Variants in FBXL7 observed in about 807,000 individuals in gnomAD.
FBXL7 encodes the protein F-box and leucine rich repeat protein 7, also known as F-box/LRR-repeat protein 7.
Under a neutral mutation model 38.3 loss-of-function variants are expected in FBXL7, and 12 were observed. The observed-to-expected ratio is 0.31, with a 90% CI of 0.20 to 0.51. The LOEUF (loss-of-function observed/expected upper bound fraction) is 0.51. Ranked by LOEUF, FBXL7 falls within the 20% of genes least tolerant of loss-of-function variation. The pLI is 0.98. For missense variants in FBXL7, 567 were observed against 676.4 expected (o/e 0.84, Z 1.79); for synonymous variants, 297 against 300.9 (o/e 0.99, Z 0.13).
At chr5:15,866,796 A>G (rs995942147) in intron 2 of FBXL7, among the ~76,000 whole-genome samples, 3 of 151,966 alleles carry the variant, frequency 2.0e-5, no homozygotes, top group African/African-American at 4.8e-5. Context: ...TTTACTGAGG[A>G]TGATGGCTTC....
intron 2 of FBXL7, among the ~76,000 whole-genome samples, chr5:15,852,072 G>A (rs1002370248): frequency 1.3e-5 from 2 of 152,104 alleles, no homozygotes; most frequent in Admixed American, 6.6e-5. Context: ...GTCTCTGAGT[G>A]TGTAGGGAGC....
At chr5:15,914,995 A>C (rs1042244836) in intron 2 of FBXL7, among the ~76,000 whole-genome samples, 1 of 152,234 alleles carries the variant, frequency 6.6e-6, no homozygotes, top group African/African-American at 2.4e-5. Flanking sequence ...GGATCTGGGA[A>C]GGCTTGGCAG....
chr5:15,733,084 G>A (rs1735633944), intron 2 of FBXL7, among the ~76,000 whole-genome samples: 1 of 150,224 alleles, frequency 6.7e-6, no homozygotes, highest in Non-Finnish European at 1.5e-5. Context: ...TAAAAATCAT[G>A]TTTTTTGTTT....
intron 1 of FBXL7, among the ~76,000 whole-genome samples, chr5:15,565,169 T>C (rs1282010744): frequency 1.3e-5 from 2 of 152,126 alleles, no homozygotes; most frequent in East Asian, 3.9e-4. Context: ...AATTTTTCCA[T>C]GCCATAAAAA....
chr5:15,889,280 C>A (rs928915533), intron 2 of FBXL7, among the ~76,000 whole-genome samples: 1 of 152,156 alleles, frequency 6.6e-6, no homozygotes, highest in Non-Finnish European at 1.5e-5. Flanking sequence ...AAGTGATTAC[C>A]CATTCTTCTG....
At chr5:15,560,216 T>C (rs2126435977) in intron 1 of FBXL7, among the ~76,000 whole-genome samples, 1 of 152,308 alleles carries the variant, frequency 6.6e-6, no homozygotes, top group Middle Eastern at 3.4e-3. Context: ...CAAATGACCT[T>C]AATAATACTT....
intron 2 of FBXL7, among the ~76,000 whole-genome samples, chr5:15,801,515 C>T (rs1338691693): frequency 6.6e-6 from 1 of 152,070 alleles, no homozygotes; most frequent in African/African-American, 2.4e-5. Context: ...AATTTTTCTG[C>T]AGTATAGGCT....
chr5:15,760,447 A>G (rs1385069759), intron 2 of FBXL7, among the ~76,000 whole-genome samples: 2 of 151,930 alleles, frequency 1.3e-5, no homozygotes, highest in African/African-American at 4.8e-5. Flanking sequence ...AAAAGAAAAA[A>G]GTTGAGAGAG....
intron 2 of FBXL7, among the ~76,000 whole-genome samples, chr5:15,724,467 T>G (rs1476637387): frequency 6.6e-6 from 1 of 152,166 alleles, no homozygotes; most frequent in Non-Finnish European, 1.5e-5. Context: ...TTCCTATCAC[T>G]CTAGTAAGTT....
chr5:15,516,998 G>GT (rs553407970), intron 1 of FBXL7, among the ~76,000 whole-genome samples: 132 of 152,054 alleles, frequency 8.7e-4, no homozygotes, highest in Non-Finnish European at 1.6e-3. Flanking sequence ...TAGATATTGG[G>GT]TTTTTTATTT....
intron 2 of FBXL7, among the ~76,000 whole-genome samples, chr5:15,782,635 G>A (rs139808810): frequency 2.0e-5 from 3 of 152,226 alleles, no homozygotes; most frequent in South Asian, 4.2e-4. Context: ...CTTAAAGATG[G>A]TGTTTCTTGG....
intron 2 of FBXL7, among the ~76,000 whole-genome samples, chr5:15,737,187 G>A (rs985958014): frequency 2.6e-5 from 4 of 151,966 alleles, no homozygotes; most frequent in Non-Finnish European, 5.9e-5. Context: ...TCCACTGGGC[G>A]TCCGAAGCTC....
intron 2 of FBXL7, among the ~76,000 whole-genome samples, chr5:15,900,634 C>T (rs928592005): frequency 1.6e-4 from 25 of 152,138 alleles, no homozygotes; most frequent in Non-Finnish European, 3.2e-4. Context: ...AACTTTAGAA[C>T]CTTATGAGCA....
At chr5:15,728,606 G>T (rs1017846571) in intron 2 of FBXL7, among the ~76,000 whole-genome samples, 3 of 152,088 alleles carry the variant, frequency 2.0e-5, no homozygotes, top group Non-Finnish European at 2.9e-5. Flanking sequence ...TGGGATTCTG[G>T]TTTGTAATTC....
At chr5:15,888,558 CCACCGAGCTTTT>C (rs1451685237) in intron 2 of FBXL7, among the ~76,000 whole-genome samples, 2 of 152,118 alleles carry the variant, frequency 1.3e-5, no homozygotes, top group Non-Finnish European at 2.9e-5. Flanking sequence ...CTTCCAGAAG[CCACCGAGCTTTT>C]TCCCCTTTGA....
In FBXL7 at chr5:15,541,431, A is replaced by ATG. The variant is rs201895168; in HGVS notation, c.37+40730_37+40731dup. Among the ~76,000 whole-genome samples, 514 of 85,912 alleles carry ATG rather than the reference A, an allele frequency of 6.0e-3. 12 individuals carry two copies. Among genetic ancestry groups the ATG allele is most frequent in the East Asian group, 0.024 (73 of 3,056 alleles). 56.4% of individuals were successfully genotyped at this position (85,912 alleles called of 152,430 possible). A position where few individuals can be genotyped will look rare whatever the true frequency, so the allele number is the denominator to read the frequency against. On this transcript the variant is annotated intron_variant, in intron 1 of 3. Coordinates refer to ENST00000504595, the MANE Select transcript of FBXL7 (RefSeq NM_012304.5). Reference sequence around the variant, plus strand: ...GTGTATATATATACATATAGTATATATGTGTGTGTGTGTATATATATATAT... The same window carrying ATG: ...GTGTATATATATACATATAGTATATATGTGTGTGTGTGTGTATATATATATAT...
intron 2 of FBXL7, among the ~76,000 whole-genome samples, chr5:15,854,797 C>T (rs545351059): frequency 6.6e-6 from 1 of 152,192 alleles, no homozygotes; most frequent in Admixed American, 6.5e-5. Flanking sequence ...ACTTTTTAGT[C>T]AAGTTCTGTT....
chr5:15,678,371 G>T (rs1742728368), intron 2 of FBXL7, among the ~76,000 whole-genome samples: 1 of 152,146 alleles, frequency 6.6e-6, no homozygotes, highest in Admixed American at 6.5e-5. Flanking sequence ...CAGAAGTGCT[G>T]TATAGAGCTA....
At chr5:15,666,438 G>A (rs1055188855) in intron 2 of FBXL7, among the ~76,000 whole-genome samples, 2 of 152,090 alleles carry the variant, frequency 1.3e-5, no homozygotes, top group Non-Finnish European at 1.5e-5. Flanking sequence ...AGAAGAAAAT[G>A]GTGTCAGCTG....
Sources: allele counts gnomAD v4.1 joint callset (sites outside exome capture counted in the v4.1 genomes callset), GRCh38; gene constraint gnomAD v4.1.1; transcripts MANE v1.5; gene names NCBI Gene and HGNC (gene_info 2026-07-23, HGNC 2026-07-21).